ESRRB: variants seen among roughly 807,000 people sequenced by gnomAD.
ESRRB encodes estrogen related receptor beta.
In ESRRB, 16 loss-of-function variants were observed where a neutral mutation model predicts 46.0. That is an observed-to-expected ratio of 0.35 (90% CI 0.24 to 0.53). ESRRB has a LOEUF of 0.53. Ranked by LOEUF, ESRRB falls within the 20% of genes least tolerant of loss-of-function variation. ESRRB has a pLI of 0.93. For missense variants in ESRRB, 488 were observed against 607.4 expected, an observed-to-expected ratio of 0.80 and a Z score of 2.07; for synonymous variants, 246 against 259.6, an observed-to-expected ratio of 0.95 and a Z score of 0.50.
Position 76,500,824 on chromosome 14 carries a change from G to GGGGCTC in ESRRB, c.*2366_*2367insGGGCTC. ...CTCACTTCAGAGCCCCTCTAGCAGAGTGGGGCGGAAGTCCTGATGGTTGGT... is the reference window on the plus strand; with the variant it reads ...CTCACTTCAGAGCCCCTCTAGCAGAGGGGCTCTGGGGCGGAAGTCCTGATGGTTGGT... On this transcript the variant is annotated 3_prime_UTR_variant, in exon 7 of 7. Transcript: ENST00000644823. The GGGGCTC allele has an allele frequency of 1.5e-6, 2 of 1,319,366 alleles. No individual in the cohort carries two copies. The highest frequency in any genetic ancestry group is 2.2e-6 in the Non-Finnish European group (2 of 911,696). The allele number at this position is 1,319,366 out of a possible 1,614,324, so 81.7% of individuals were successfully genotyped here. A position where few individuals can be genotyped will look rare whatever the true frequency, so the allele number is the denominator to read the frequency against.
chr14:76,458,203 T>C (rs1888691890), intron 2 of ESRRB, among the ~76,000 whole-genome samples: 1 of 152,052 alleles, frequency 6.6e-6, no homozygotes, highest in Admixed American at 6.6e-5. Flanking sequence ...CAGCTGCACG[T>C]GTGTGTGCTG....
intron 1 of ESRRB, among the ~76,000 whole-genome samples, chr14:76,411,263 C>T (rs1036254417): frequency 5.9e-5 from 9 of 151,838 alleles, no homozygotes; most frequent in African/African-American, 1.9e-4. Flanking sequence ...GCCTGATCAA[C>T]ATGGTGAAAC....
chr14:76,354,706 C>CT (rs59146659), intron 1 of ESRRB, among the ~76,000 whole-genome samples: 19,033 of 111,334 alleles, frequency 0.17, 1,980 homozygotes, highest in Non-Finnish European at 0.23. Flanking sequence ...AGGTCCTGGG[C>CT]TTTTTTTTTT....
At chr14:76,484,402 A>C (rs1473941567) in intron 5 of ESRRB, among the ~76,000 whole-genome samples, 5 of 152,174 alleles carry the variant, frequency 3.3e-5, no homozygotes, top group Admixed American at 1.3e-4. Flanking sequence ...GAATCTGCCC[A>C]GTGCTGGTTC....
chr14:76,443,837 C>T (rs1026457378), intron 2 of ESRRB, among the ~76,000 whole-genome samples: 3 of 152,108 alleles, frequency 2.0e-5, no homozygotes, highest in East Asian at 1.9e-4. Context: ...TTTGCTACCG[C>T]GAATAGGATA....
At chr14:76,460,751 G>T (rs1427845422) in intron 2 of ESRRB, among the ~76,000 whole-genome samples, 2 of 142,568 alleles carry the variant, frequency 1.4e-5, no homozygotes, top group Non-Finnish European at 3.0e-5. Flanking sequence ...ACCCAGGCTG[G>T]AGTGCAATGG....
chr14:76,351,572 G>T (rs1247642146), intron 1 of ESRRB, among the ~76,000 whole-genome samples: 1 of 152,166 alleles, frequency 6.6e-6, no homozygotes, highest in African/African-American at 2.4e-5. Flanking sequence ...TTCTAAATAA[G>T]GTCACATTCT....
At chr14:76,472,184 C>T (rs11620729) in intron 3 of ESRRB, among the ~76,000 whole-genome samples, 2 of 151,964 alleles carry the variant, frequency 1.3e-5, no homozygotes, top group Non-Finnish European at 2.9e-5. Context: ...AAGAAAGGAA[C>T]GGAAAGGGAA....
At chr14:76,490,645 G>A (rs1165604197) in intron 5 of ESRRB, among the ~76,000 whole-genome samples, 1 of 152,196 alleles carries the variant, frequency 6.6e-6, no homozygotes, top group Non-Finnish European at 1.5e-5. Flanking sequence ...CACTGGGCAA[G>A]ACAGTGTCAC....
rs933672731 is a variant in ESRRB, at chr14:76,501,694, G to A, written c.*3236G>A. 1 of 152,124 alleles carries A rather than the reference G, an allele frequency of 6.6e-6. No homozygotes were observed. The highest frequency in any genetic ancestry group is 6.5e-5 in the Admixed American group (1 of 15,268). The allele number at this position is 152,124 out of a possible 1,614,324, so 9.4% of individuals were successfully genotyped here. A position where few individuals can be genotyped will look rare whatever the true frequency, so the allele number is the denominator to read the frequency against. ...TAAGATGTATATATTTTTTAAAATG[G>A]CAGTTCCCCATTGCAGCATCACCTA... On this transcript the variant is annotated 3_prime_UTR_variant, in exon 7 of 7. Transcript: ENST00000644823.
intron 2 of ESRRB, among the ~76,000 whole-genome samples, chr14:76,451,400 T>A (rs2139962452): frequency 6.6e-6 from 1 of 152,242 alleles, no homozygotes; most frequent in Admixed American, 6.5e-5. Context: ...AAAAATGAAA[T>A]GAGACATGCA....
intron 6 of ESRRB, among the ~76,000 whole-genome samples, chr14:76,493,247 C>T (rs1386331017): frequency 4.6e-5 from 7 of 152,116 alleles, no homozygotes; most frequent in Non-Finnish European, 8.8e-5. Flanking sequence ...CTCTGCCTCC[C>T]GGGTTCAAGC....
At chr14:76,324,938 G>A (rs1430105659) in intron 1 of ESRRB, among the ~76,000 whole-genome samples, 3 of 149,950 alleles carry the variant, frequency 2.0e-5, no homozygotes, top group South Asian at 2.1e-4. Flanking sequence ...GTTACAAAGC[G>A]GCACTTTCTT....
At chr14:76,373,685 A>T (rs1382435779), upstream of ESRRB, among the ~76,000 whole-genome samples, 1 of 152,300 alleles carries the variant, frequency 6.6e-6, no homozygotes, top group East Asian at 1.9e-4. Flanking sequence ...ATGAGAAAGA[A>T]CTTGGCCCCA....
chr14:76,344,570 G>C (rs1296732642), intron 1 of ESRRB, among the ~76,000 whole-genome samples: 2 of 152,182 alleles, frequency 1.3e-5, no homozygotes, highest in Non-Finnish European at 2.9e-5. Context: ...TAGTCTCCAG[G>C]CTGGGCGTGG....
At chr14:76,462,785 A>G in intron 3 of ESRRB, 124 bp downstream of exon 3, 1 of 790,076 alleles carries the variant, frequency 1.3e-6, no homozygotes, top group South Asian at 1.3e-5. Flanking sequence ...CTGAGCGCCC[A>G]TCTCCTCCCA....
intron 1 of ESRRB, among the ~76,000 whole-genome samples, chr14:76,398,124 A>G (rs577312144): frequency 6.6e-6 from 1 of 152,366 alleles, no homozygotes; most frequent in Admixed American, 6.5e-5. Flanking sequence ...TAGCCCTGCT[A>G]GCTGGCATGC....
intron 1 of ESRRB, among the ~76,000 whole-genome samples, chr14:76,326,924 G>A (rs1883936730): frequency 6.6e-6 from 1 of 152,276 alleles, no homozygotes; most frequent in Non-Finnish European, 1.5e-5. Flanking sequence ...TGCTAGAGCA[G>A]CCACGCCTGG....
intron 1 of ESRRB, among the ~76,000 whole-genome samples, chr14:76,394,789 T>C (rs964667272): frequency 6.6e-6 from 1 of 152,194 alleles, no homozygotes; most frequent in African/African-American, 2.4e-5. Flanking sequence ...AGATCAGTGA[T>C]GTCACTGTGC....
Sources: gnomAD v4.1 joint callset for allele counts (sites outside exome capture counted in the v4.1 genomes callset) on GRCh38, gnomAD v4.1.1 for gene constraint, MANE v1.5 for transcripts, NCBI Gene and HGNC (gene_info 2026-07-23, HGNC 2026-07-21) for gene names.